CNTN4: variants seen among roughly 807,000 people sequenced by gnomAD.
CNTN4 encodes contactin 4, also known as contactin-4.
A neutral mutation model predicts 122.5 loss-of-function variants in CNTN4; 77 were observed. The observed-to-expected ratio is 0.63, with a 90% CI of 0.52 to 0.76. CNTN4 has a LOEUF of 0.76. Among genes scored for constraint, CNTN4 ranks in the 30% least tolerant of loss-of-function variants. CNTN4 has a pLI of 0.00. For synonymous variants in CNTN4, 512 were observed against 447.0 expected (o/e 1.15, Z -1.83); for missense variants, 1,256 against 1,259.1 (o/e 1.00, Z 0.04).
At position 2,709,394 on chromosome 3, in the gene CNTN4, T is replaced by C. The variant is rs1382678031; in HGVS notation, c.56-26821T>C. ...TCACGCCTGGTTAGGATTTGATTGG[T>C]AAGGGTACAACCTGTGCACCAGGGA... On this transcript the variant is annotated intron_variant, in intron 4 of 24. Transcript: ENST00000418658. This position sits in a 1 kb window ranked among gnomAD's most constrained non-coding sequence, Gnocchi z 5.0. 6.6e-6 allele frequency among the ~76,000 whole-genome samples: 1 copy of C among 151,778 alleles called. No individual in the cohort carries two copies. Among genetic ancestry groups the C allele is most frequent in the Non-Finnish European group, 1.5e-5 (1 of 68,022 alleles).
In CNTN4 at chr3:2,400,420, T is replaced by TATATACAC. The variant is rs1553640895; in HGVS notation, c.-89+61192_-89+61193insCACATATA. Among the ~76,000 whole-genome samples the TATATACAC allele has an allele frequency of 1.6e-4, 9 of 56,946 alleles. 1 individual carries two copies. The highest frequency in any genetic ancestry group is 3.6e-4 in the African/African-American group (7 of 19,414). The allele number at this position is 56,946 out of a possible 152,430, so 37.4% of individuals were successfully genotyped here. ...ATGTGTGTGAATATATATATATATA[T>TATATACAC]ATATATACATATATATATATATATA... is the stretch of plus-strand genomic sequence containing the variant. On this transcript the variant is annotated intron_variant, in intron 3 of 24. Transcript: ENST00000418658.
chr3:2,408,562 A>C (rs1559526654), intron 3 of CNTN4, among the ~76,000 whole-genome samples: 2 of 152,338 alleles, frequency 1.3e-5, no homozygotes, highest in South Asian at 2.1e-4. Flanking sequence ...TCTTCAATGT[A>C]TATTTTTGGG....
At chr3:3,009,817 T>C (rs534459243) in intron 14 of CNTN4, among the ~76,000 whole-genome samples, 2 of 152,328 alleles carry the variant, frequency 1.3e-5, no homozygotes, top group African/African-American at 4.8e-5. Flanking sequence ...TTGGCCCATA[T>C]TTAAGAGTGT....
At chr3:2,311,045 G>A (rs573915660) in intron 2 of CNTN4, among the ~76,000 whole-genome samples, 2 of 152,064 alleles carry the variant, frequency 1.3e-5, no homozygotes, top group East Asian at 3.9e-4. Context: ...AAGGAATGTG[G>A]CCTGGAATGA....
At chr3:2,599,859 A>G (rs565055508) in intron 4 of CNTN4, among the ~76,000 whole-genome samples, 1 of 152,246 alleles carries the variant, frequency 6.6e-6, no homozygotes, top group South Asian at 2.1e-4. Flanking sequence ...ATGAGGTTTT[A>G]TGTTGCCTGA....
intron 2 of CNTN4, among the ~76,000 whole-genome samples, chr3:2,163,645 GAAAAA>G: frequency 7.0e-6 from 1 of 143,208 alleles, no homozygotes; most frequent in South Asian, 2.2e-4. Context: ...AGGAACTCAA[GAAAAA>G]AAAAACTAAT....
rs529119609 is a variant in CNTN4, at chr3:3,026,111, G to A, written c.1496G>A (p.Arg499Lys). The A allele has an allele frequency of 2.2e-4, 353 of 1,613,072 alleles. 6 individuals carry two copies. In the South Asian group the frequency reaches 3.8e-3, roughly 17 times the overall value. Reference sequence around the variant, plus strand: ...TGTTTTAACTCTCCAGATCCAACAAGGGTAATGGTACCCCCTTCCAGTATG... The same window carrying A: ...TGTTTTAACTCTCCAGATCCAACAAAGGTAATGGTACCCCCTTCCAGTATG... ...TGNLVVKDPT[R>K]VMVPPSSMDV... The change falls in exon 15 of 25, where the codon AGG becomes AAG. Residue 499 changes from arginine (R) to lysine (K), a missense_variant. Transcript: ENST00000418658.
intron 3 of CNTN4, among the ~76,000 whole-genome samples, chr3:2,402,363 G>A (rs2046887868): frequency 6.6e-6 from 1 of 152,002 alleles, no homozygotes; most frequent in Non-Finnish European, 1.5e-5. Flanking sequence ...GAATTGTCAG[G>A]TTCAAGTCTT....
intron 2 of CNTN4, among the ~76,000 whole-genome samples, chr3:2,198,998 C>T (rs2037972523): frequency 6.6e-6 from 1 of 152,146 alleles, no homozygotes; most frequent in African/African-American, 2.4e-5. Flanking sequence ...TTCACTAAGG[C>T]AAGGAAGAAG....
At chr3:2,341,796 A>G (rs1012336344) in intron 3 of CNTN4, among the ~76,000 whole-genome samples, 1 of 152,254 alleles carries the variant, frequency 6.6e-6, no homozygotes, top group African/African-American at 2.4e-5. Context: ...GAGATTTTAC[A>G]TAAAATGATT....
intron 3 of CNTN4, among the ~76,000 whole-genome samples, chr3:2,509,813 T>G (rs1392859972): frequency 6.6e-6 from 1 of 152,186 alleles, no homozygotes; most frequent in East Asian, 1.9e-4. Context: ...CACCTTTCTC[T>G]ACCTTTGGAT....
intron 2 of CNTN4, among the ~76,000 whole-genome samples, chr3:2,281,838 A>C (rs1413942561): frequency 6.6e-6 from 1 of 152,122 alleles, no homozygotes; most frequent in Non-Finnish European, 1.5e-5. Flanking sequence ...AAGAGCAGTT[A>C]ATTTTGAGTA....
At chr3:2,367,851 A>G (rs1369238705) in intron 3 of CNTN4, among the ~76,000 whole-genome samples, 2 of 151,938 alleles carry the variant, frequency 1.3e-5, no homozygotes, top group Non-Finnish European at 1.5e-5. Context: ...CAACGTTCGG[A>G]CTATTTCAGC....
At chr3:2,290,570 A>G (rs931324421) in intron 2 of CNTN4, among the ~76,000 whole-genome samples, 13 of 152,232 alleles carry the variant, frequency 8.5e-5, no homozygotes, top group African/African-American at 3.1e-4. Context: ...TGAGGGGTCC[A>G]TTCAAGAGAA....
intron 4 of CNTN4, among the ~76,000 whole-genome samples, chr3:2,663,106 G>GA (rs5846202): frequency 1.6e-4 from 24 of 148,608 alleles, no homozygotes; most frequent in East Asian, 1.6e-3. Flanking sequence ...TGTCTCAGAA[G>GA]AAAAAAAAAA....
At chr3:2,647,741 G>T (rs750184031) in intron 4 of CNTN4, among the ~76,000 whole-genome samples, 9 of 152,090 alleles carry the variant, frequency 5.9e-5, no homozygotes, top group Non-Finnish European at 4.4e-5. Context: ...AACTAAGACA[G>T]GATAGGGAAA....
chr3:2,820,440 A>G (rs1332194397), intron 7 of CNTN4, among the ~76,000 whole-genome samples: 1 of 152,196 alleles, frequency 6.6e-6, no homozygotes, highest in Non-Finnish European at 1.5e-5. Flanking sequence ...ATTAACCCTG[A>G]AGCTCTCCAA....
At chr3:2,519,682 C>T (rs1376840090) in intron 3 of CNTN4, among the ~76,000 whole-genome samples, 2 of 152,142 alleles carry the variant, frequency 1.3e-5, no homozygotes, top group African/African-American at 4.8e-5. Context: ...CATCAGGGTT[C>T]CTCCTAAGTG....
intron 15 of CNTN4, 27 bp downstream of exon 15, chr3:3,026,304 C>G: frequency 6.3e-7 from 1 of 1,596,312 alleles, no homozygotes; most frequent in South Asian, 1.1e-5. Flanking sequence ...AAAACTGACT[C>G]AAACTAACTT....
Sources: allele counts gnomAD v4.1 joint callset (sites outside exome capture counted in the v4.1 genomes callset), GRCh38; gene constraint gnomAD v4.1.1; non-coding constraint Gnocchi (gnomAD v3.1); transcripts MANE v1.5; gene names NCBI Gene and HGNC (gene_info 2026-07-23, HGNC 2026-07-21).